Variants in ANKFN1 observed in about 807,000 individuals in gnomAD.
ANKFN1 encodes ankyrin repeat and fibronectin type III domain containing 1, also known as ankyrin repeat and fibronectin type-III domain-containing protein 1.
In ANKFN1, 74 loss-of-function variants were observed where a neutral mutation model predicts 108.7. That is an observed-to-expected ratio of 0.68 (90% CI 0.56 to 0.83). The LOEUF (loss-of-function observed/expected upper bound fraction) is 0.83, where lower values mean the gene tolerates loss of function less well. Ranked by LOEUF, ANKFN1 falls within the 40% of genes least tolerant of loss-of-function variation. ANKFN1 has a pLI of 0.00. For synonymous variants in ANKFN1, 547 were observed against 516.2 expected (o/e 1.06, Z -0.81); for missense variants, 1,505 against 1,382.3 (o/e 1.09, Z -1.41).
At chr17:56,204,857 C>T (rs746699724) in intron 1 of ANKFN1, among the ~76,000 whole-genome samples, 17 of 152,072 alleles carry the variant, frequency 1.1e-4, no homozygotes, top group Non-Finnish European at 2.2e-4. Context: ...GGGCGGATCA[C>T]GAGGTCAGGA....
At chr17:56,218,638 C>T (rs1915615393) in intron 2 of ANKFN1, among the ~76,000 whole-genome samples, 1 of 152,172 alleles carries the variant, frequency 6.6e-6, no homozygotes, top group Admixed American at 6.5e-5. Context: ...TCAGCTCTGC[C>T]ATGAACATCA....
At chr17:56,294,147 C>T (rs1156380827) in intron 3 of ANKFN1, among the ~76,000 whole-genome samples, 1 of 152,232 alleles carries the variant, frequency 6.6e-6, no homozygotes, top group African/African-American at 2.4e-5. Context: ...GCTAGAAGGG[C>T]AAAATAGCTA....
chr17:56,151,065 G>A (rs1211167455), upstream of ANKFN1, among the ~76,000 whole-genome samples: 1 of 152,138 alleles, frequency 6.6e-6, no homozygotes, highest in Non-Finnish European at 1.5e-5. Flanking sequence ...GGAAGTTGTG[G>A]CTGAGTGTTT....
chr17:56,375,309 G>A (rs78934619), intron 8 of ANKFN1, among the ~76,000 whole-genome samples: 6,486 of 152,236 alleles, frequency 0.043, 177 homozygotes, highest in Non-Finnish European at 0.06. Flanking sequence ...GGAAAGGACA[G>A]TCAACACAGG....
chr17:56,313,700 AT>A (rs976273737), intron 3 of ANKFN1, among the ~76,000 whole-genome samples: 2 of 152,200 alleles, frequency 1.3e-5, no homozygotes, highest in African/African-American at 4.8e-5. Context: ...TTTACATGGC[AT>A]TTTACATTTG....
chr17:56,332,526 AGT>A (rs1025149546), intron 4 of ANKFN1, among the ~76,000 whole-genome samples: 17 of 152,158 alleles, frequency 1.1e-4, no homozygotes, highest in Admixed American at 5.2e-4. Flanking sequence ...CCATTGTTCT[AGT>A]ACAATTTGTT....
chr17:56,207,898 C>T (rs571541348), intron 1 of ANKFN1, among the ~76,000 whole-genome samples: 1 of 152,188 alleles, frequency 6.6e-6, no homozygotes, highest in Non-Finnish European at 1.5e-5. Context: ...TTAAGCAAAT[C>T]TTGTCCACGT....
intron 3 of ANKFN1, among the ~76,000 whole-genome samples, chr17:56,320,509 TA>T (rs1462028689): frequency 6.6e-6 from 1 of 152,124 alleles, no homozygotes. Flanking sequence ...ACCTGCTGGA[TA>T]AGGTTGAGAC....
At position 56,389,706 on chromosome 17, in the gene ANKFN1, C is replaced by T. The variant is rs2047374396; in HGVS notation, c.910+14992C>T. 2.0e-5 allele frequency among the ~76,000 whole-genome samples: 3 copies of T among 152,328 alleles called. No individual in the cohort carries two copies. In the South Asian group the frequency reaches 6.2e-4, roughly 32 times the overall value. Reference sequence around the variant, plus strand: ...TCAGTTGGTGAAGGATTATTCCTGACACTGATTTCTTCTTCTTCCTGTAAT... The same window carrying T: ...TCAGTTGGTGAAGGATTATTCCTGATACTGATTTCTTCTTCTTCCTGTAAT... On this transcript the variant is annotated intron_variant, in intron 8 of 20. Transcript: ENST00000682825.
Position 56,183,707 on chromosome 17 carries a change from A to G in ANKFN1, c.-70-28891A>G, listed in dbSNP as rs188646089. On this transcript the variant is annotated intron_variant, in intron 1 of 20. Coordinates refer to ENST00000682825, the MANE Select transcript of ANKFN1 (RefSeq NM_001370326.1). ...TATACAGCCTGAAGAACTGTGAGTG[A>G]ATTAAACCTCTTTTCTCTATACATT... 8.7e-4 allele frequency among the ~76,000 whole-genome samples: 133 copies of G among 152,298 alleles called. 1 individual carries two copies. The highest frequency in any genetic ancestry group is 2.0e-3 in the Admixed American group (31 of 15,294).
At chr17:56,342,056 T>G (rs1407918364) in intron 4 of ANKFN1, among the ~76,000 whole-genome samples, 2 of 151,988 alleles carry the variant, frequency 1.3e-5, no homozygotes, top group Non-Finnish European at 2.9e-5. Context: ...GACCAGGAAT[T>G]TATCCATTTC....
chr17:56,384,907 T>C (rs566764904), intron 8 of ANKFN1, among the ~76,000 whole-genome samples: 8 of 151,624 alleles, frequency 5.3e-5, no homozygotes, highest in African/African-American at 1.2e-4. Flanking sequence ...AGGTAATTTA[T>C]AGATTCAATG....
intron 1 of ANKFN1, among the ~76,000 whole-genome samples, chr17:56,183,391 A>G (rs1354351769): frequency 1.3e-5 from 2 of 152,124 alleles, no homozygotes; most frequent in Non-Finnish European, 2.9e-5. Context: ...GTCCCCTCCA[A>G]ATCTCATGTA....
intron 4 of ANKFN1, among the ~76,000 whole-genome samples, chr17:56,067,404 T>C (rs929901193): frequency 2.0e-5 from 3 of 152,202 alleles, no homozygotes; most frequent in Non-Finnish European, 4.4e-5. Flanking sequence ...CTCTGAACTT[T>C]TCTGCCTTCC....
chr17:56,398,792 G>C (rs1429189522), intron 8 of ANKFN1, among the ~76,000 whole-genome samples: 1 of 152,096 alleles, frequency 6.6e-6, no homozygotes, highest in East Asian at 1.9e-4. Flanking sequence ...TTCTGATAAG[G>C]AGAGTATTAC....
At chr17:56,408,745 G>A (rs989252920) in intron 8 of ANKFN1, among the ~76,000 whole-genome samples, 2 of 152,112 alleles carry the variant, frequency 1.3e-5, no homozygotes, top group African/African-American at 4.8e-5. Flanking sequence ...GGTTACAGAG[G>A]CAACTAGCTC....
Position 56,477,460 on chromosome 17 carries a change from CTTTTTTTT to C in ANKFN1, c.1774-18_1774-11del, listed in dbSNP as rs373804237. ...GCCCTTCGAGTTGTTTTCTTGTTTT[CTTTTTTTT>C]TTTTTTTTTAACCCTACAGGATATT... On this transcript the variant is annotated intron_variant, in intron 15 of 20. Coordinates refer to ENST00000682825, the MANE Select transcript of ANKFN1 (RefSeq NM_001370326.1). 1.2e-5 allele frequency: 16 copies of C among 1,347,986 alleles called. No homozygotes were observed. Among genetic ancestry groups the C allele is most frequent in the African/African-American group, 1.6e-5 (1 of 61,118 alleles). The allele number at this position is 1,347,986 out of a possible 1,614,324, so 83.5% of individuals were successfully genotyped here.
At chr17:56,205,208 A>C (rs1914427969) in intron 1 of ANKFN1, among the ~76,000 whole-genome samples, 1 of 152,218 alleles carries the variant, frequency 6.6e-6, no homozygotes, top group Non-Finnish European at 1.5e-5. Context: ...CTGAATGAAG[A>C]GTTTATTTCT....
intron 10 of ANKFN1, among the ~76,000 whole-genome samples, chr17:56,446,515 C>A (rs1240283132): frequency 6.6e-6 from 1 of 152,224 alleles, no homozygotes; most frequent in African/African-American, 2.4e-5. Context: ...CCTTTCCTAT[C>A]TTATCCTACC....
Sources: allele counts gnomAD v4.1 joint callset (sites outside exome capture counted in the v4.1 genomes callset), GRCh38; gene constraint gnomAD v4.1.1; transcripts MANE v1.5; gene names NCBI Gene and HGNC (gene_info 2026-07-23, HGNC 2026-07-21).